The following GLIS3 variants were observed in gnomAD, a reference collection of about 807,000 sequenced individuals.
The protein encoded by GLIS3 is zinc finger protein GLIS3.
In GLIS3, 53 loss-of-function variants were observed where a neutral mutation model predicts 78.6. The ratio of observed to expected loss-of-function variants is 0.67; its 90% CI spans 0.54 to 0.85. The LOEUF (loss-of-function observed/expected upper bound fraction) is 0.85, where lower values mean the gene tolerates loss of function less well. Ranked by LOEUF, GLIS3 falls within the 40% of genes least tolerant of loss-of-function variation. GLIS3 has a pLI of 0.00. For missense variants in GLIS3, 1,703 were observed against 1,231.1 expected, an observed-to-expected ratio of 1.38 and a Z score of -5.74; for synonymous variants, 684 against 509.9, an observed-to-expected ratio of 1.34 and a Z score of -4.60.
At chr9:4,265,215 A>T (rs1825883315) in intron 2 of GLIS3, among the ~76,000 whole-genome samples, 1 of 151,980 alleles carries the variant, frequency 6.6e-6, no homozygotes, top group African/African-American at 2.4e-5. Flanking sequence ...TGCCTTCACA[A>T]GGTCTACATC....
intron 4 of GLIS3, among the ~76,000 whole-genome samples, chr9:3,981,058 C>G (rs565403002): frequency 1.9e-4 from 29 of 152,284 alleles, no homozygotes; most frequent in South Asian, 1.7e-3. Context: ...GGGCAGCAGC[C>G]AAGAACTGAG....
intron 4 of GLIS3, among the ~76,000 whole-genome samples, chr9:4,066,943 G>T (rs1180669904): frequency 6.6e-6 from 1 of 152,270 alleles, no homozygotes; most frequent in East Asian, 1.9e-4. Context: ...GGAGCTTCTT[G>T]TTCAACAGCT....
At position 4,114,016 on chromosome 9, in the gene GLIS3, A is replaced by C. The variant is rs1831428485; in HGVS notation, c.1710+3752T>G. 4.1e-5 allele frequency among the ~76,000 whole-genome samples: 3 copies of C among 74,066 alleles called. No homozygotes were observed. In the South Asian group the frequency reaches 1.1e-3, roughly 26 times the overall value. 48.6% of individuals were successfully genotyped at this position (74,066 alleles called of 152,430 possible). ...GGAAAAATAAACAAAATTTAAGCGG[A>C]GGCCCACGTTCCCCCAATTCCCTTA... On this transcript the variant is annotated intron_variant, in intron 4 of 10. Transcript: ENST00000381971.
chr9:4,378,907 C>T, the GLIS3 span, among the ~76,000 whole-genome samples: 2 of 152,120 alleles, frequency 1.3e-5, no homozygotes, highest in South Asian at 2.1e-4. Context: ...ACATCTGAGC[C>T]CCCATCAAGC....
At chr9:4,235,161 T>TG (rs1446925295) in intron 2 of GLIS3, among the ~76,000 whole-genome samples, 1 of 151,826 alleles carries the variant, frequency 6.6e-6, no homozygotes, top group African/African-American at 2.4e-5. Context: ...TCGCTGGGCG[T>TG]GGTGGCACCT....
chr9:4,017,599 G>T lies in GLIS3; in HGVS notation c.1711-80410C>A, dbSNP rs140534994. Among the ~76,000 whole-genome samples, 155 of 152,298 alleles carry T rather than the reference G, an allele frequency of 1.0e-3. 1 individual carries two copies. The highest frequency in any genetic ancestry group is 4.1e-4 in the Non-Finnish European group (28 of 68,036). On this transcript the variant is annotated intron_variant, in intron 4 of 10. Transcript: ENST00000381971. ...CCCAGAGTAGAGATGATCAGAGAGA[G>T]GCTGTGAAAGGTGGCGAGGGTTTAG...
At chr9:4,243,530 T>C (rs1198042547) in intron 2 of GLIS3, among the ~76,000 whole-genome samples, 1 of 152,186 alleles carries the variant, frequency 6.6e-6, no homozygotes, top group Non-Finnish European at 1.5e-5. Context: ...CTCTACTTAG[T>C]AGATTTAGAA....
At chr9:4,385,049 T>A in the GLIS3 span, among the ~76,000 whole-genome samples, 17 of 152,286 alleles carry the variant, frequency 1.1e-4, no homozygotes, top group African/African-American at 3.6e-4. Flanking sequence ...TGTAAAACAA[T>A]AGTGGAGCAA....
chr9:4,035,268 A>C (rs909226991), intron 4 of GLIS3, among the ~76,000 whole-genome samples: 1 of 152,140 alleles, frequency 6.6e-6, no homozygotes, highest in African/African-American at 2.4e-5. Context: ...ACTTGTTAGA[A>C]GATCCTACAG....
At chr9:4,216,827 A>C (rs769919681) in intron 2 of GLIS3, among the ~76,000 whole-genome samples, 2 of 152,222 alleles carry the variant, frequency 1.3e-5, no homozygotes, top group Non-Finnish European at 2.9e-5. Context: ...GTCATAACAA[A>C]CAGAGATGAA....
chr9:4,186,260 G>A (rs1817783980), intron 2 of GLIS3, among the ~76,000 whole-genome samples: 1 of 149,836 alleles, frequency 6.7e-6, no homozygotes, highest in South Asian at 2.1e-4. Flanking sequence ...TTGGCCTTTT[G>A]TCCTTGCGAT....
At chr9:4,047,751 C>T (rs1054151889) in intron 4 of GLIS3, among the ~76,000 whole-genome samples, 5 of 152,078 alleles carry the variant, frequency 3.3e-5, no homozygotes, top group African/African-American at 9.7e-5. Flanking sequence ...AAAAGGGAAC[C>T]CTAGTTGATT....
intron 4 of GLIS3, among the ~76,000 whole-genome samples, chr9:4,002,292 G>T (rs568049977): frequency 6.6e-6 from 1 of 152,090 alleles, no homozygotes; most frequent in Admixed American, 6.5e-5. Context: ...CCTCCAGAAG[G>T]AACCTTCTGA....
chr9:4,387,250 T>C, the GLIS3 span, among the ~76,000 whole-genome samples: 1 of 152,202 alleles, frequency 6.6e-6, no homozygotes, highest in Non-Finnish European at 1.5e-5. Flanking sequence ...TTTGGTTTGT[T>C]GGGGCCTAGT....
At chr9:4,137,063 G>C (rs1333800212) in intron 2 of GLIS3, among the ~76,000 whole-genome samples, 2 of 152,186 alleles carry the variant, frequency 1.3e-5, no homozygotes, top group East Asian at 3.8e-4. Context: ...AGGAGCACAT[G>C]AACCAGCTGT....
intron 2 of GLIS3, among the ~76,000 whole-genome samples, chr9:4,210,739 C>G (rs1820302035): frequency 6.6e-6 from 1 of 152,266 alleles, no homozygotes; most frequent in African/African-American, 2.4e-5. Flanking sequence ...GCAGGCCCCA[C>G]TGGCTGTACG....
At chr9:4,278,376 G>C (rs935786952) in intron 2 of GLIS3, among the ~76,000 whole-genome samples, 1 of 152,178 alleles carries the variant, frequency 6.6e-6, no homozygotes, top group African/African-American at 2.4e-5. Flanking sequence ...GCAAATAAAA[G>C]TGAGCCTAGA....
chr9:4,126,170 T>C (rs1472323814), intron 2 of GLIS3, among the ~76,000 whole-genome samples: 2 of 152,142 alleles, frequency 1.3e-5, no homozygotes, highest in Non-Finnish European at 2.9e-5. Context: ...TGCTTAAATT[T>C]TACTCCTTCT....
At chr9:3,994,444 A>C (rs1820583315) in intron 4 of GLIS3, among the ~76,000 whole-genome samples, 1 of 152,240 alleles carries the variant, frequency 6.6e-6, no homozygotes, top group Non-Finnish European at 1.5e-5. Flanking sequence ...AGGATTTGGC[A>C]AGCGTATGTC....
Sources: gnomAD v4.1 joint callset for allele counts (sites outside exome capture counted in the v4.1 genomes callset) on GRCh38, gnomAD v4.1.1 for gene constraint, MANE v1.5 for transcripts, NCBI Gene and HGNC (gene_info 2026-07-23, HGNC 2026-07-21) for gene names.